LARP4: variants seen among roughly 807,000 people sequenced by gnomAD.
LARP4 encodes la-related protein 4.
Under a neutral mutation model 92.9 loss-of-function variants are expected in LARP4, and 29 were observed. The ratio of observed to expected loss-of-function variants is 0.31; its 90% confidence interval spans 0.23 to 0.43. The LOEUF is 0.43. Ranked by LOEUF, LARP4 falls within the 20% of genes least tolerant of loss-of-function variation. The probability of loss-of-function intolerance (pLI) is 1.00; values close to 1 mark genes in which losing one functional copy is unlikely to be tolerated. For synonymous variants in LARP4, 279 were observed against 284.1 expected (o/e 0.98, Z 0.18); for missense variants, 732 against 860.0 (o/e 0.85, Z 1.86).
chr12:50,430,396 T>C, intron 3 of LARP4, 99 bp from the exon 4 acceptor site: 3 of 637,156 alleles, frequency 4.7e-6, no homozygotes, highest in Non-Finnish European at 2.8e-6. Flanking sequence ...GAATTTTGAT[T>C]GTAGATACTT....
chr12:50,410,416 T>C, intron 1 of LARP4, among the ~76,000 whole-genome samples: 1 of 151,164 alleles, frequency 6.6e-6, no homozygotes. Context: ...ATCTTTTTTT[T>C]TTTTTTTTTG....
intron 1 of LARP4, among the ~76,000 whole-genome samples, chr12:50,402,419 A>G (rs755387303): frequency 7.2e-5 from 11 of 152,166 alleles, no homozygotes; most frequent in Non-Finnish European, 1.2e-4. Flanking sequence ...AAGAAATCAG[A>G]TAAGATTTTA....
rs537905956 is a variant in LARP4, at chr12:50,410,187, GCTGA to G, written c.18+9162_18+9165del. On this transcript the variant is annotated intron_variant, in intron 1 of 15. Transcript: ENST00000398473. ...GTGTAGTTAGCCATTAGCTTTATCA[GCTGA>G]CTAATTGAAGTAATGGCTTAGTATT... 1.1e-3 allele frequency among the ~76,000 whole-genome samples: 170 copies of G among 152,064 alleles called. 2 individuals carry two copies. The highest frequency in any genetic ancestry group is 3.9e-3 in the African/African-American group (162 of 41,486).
chr12:50,427,524 G>A (rs1233409647), intron 1 of LARP4, among the ~76,000 whole-genome samples: 2 of 151,790 alleles, frequency 1.3e-5, no homozygotes, highest in African/African-American at 2.4e-5. Flanking sequence ...TTGCACCTAG[G>A]CAGTATTTCT....
intron 6 of LARP4, 64 bp downstream of exon 6, chr12:50,437,902 C>T: frequency 9.3e-7 from 1 of 1,073,960 alleles, no homozygotes; most frequent in Admixed American, 2.2e-5. Context: ...GTTTCTTCTG[C>T]CTTTCGTGGC....
chr12:50,435,457 C>T (rs764474914), intron 4 of LARP4, 31 bp from the exon 5 acceptor site: 3 of 1,246,028 alleles, frequency 2.4e-6, no homozygotes, highest in Non-Finnish European at 3.4e-6. Context: ...TTAATAATTG[C>T]TTGTTTTATA....
intron 9 of LARP4, among the ~76,000 whole-genome samples, chr12:50,453,916 T>G (rs1363026895): frequency 6.6e-6 from 1 of 152,124 alleles, no homozygotes; most frequent in Non-Finnish European, 1.5e-5. Flanking sequence ...TACAAGCCAC[T>G]ATGCCCGGCC....
chr12:50,454,720 T>C, intron 10 of LARP4: 1 of 240,396 alleles, frequency 4.2e-6, no homozygotes, highest in Non-Finnish European at 8.0e-6. Context: ...ATTTAGTATG[T>C]TAAATGGGTA....
intron 4 of LARP4, among the ~76,000 whole-genome samples, chr12:50,432,756 A>G (rs1949842541): frequency 6.7e-6 from 1 of 149,436 alleles, no homozygotes; most frequent in Non-Finnish European, 1.5e-5. Flanking sequence ...GTTACTCGAG[A>G]GGCTGAGGCA....
At chr12:50,467,417 A>G (rs1347048096) in intron 13 of LARP4, among the ~76,000 whole-genome samples, 3 of 151,790 alleles carry the variant, frequency 2.0e-5, no homozygotes, top group Non-Finnish European at 2.9e-5. Flanking sequence ...CAGCCTCCCA[A>G]GTAGCTGGGA....
At chr12:50,416,242 T>G (rs191168583) in intron 1 of LARP4, 3 of 152,382 alleles carry the variant, frequency 2.0e-5, no homozygotes, top group African/African-American at 7.2e-5. Flanking sequence ...AATCTTGTTA[T>G]TTAGTGCCTG....
chr12:50,474,231 C>G (rs1272162855), intron 15 of LARP4, 64 bp downstream of exon 15: 11 of 1,044,564 alleles, frequency 1.1e-5, no homozygotes, highest in Non-Finnish European at 1.5e-5. Context: ...TTTTTTTTTT[C>G]ACGTAACACT....
At chr12:50,439,793 C>T (rs1029762703) in intron 6 of LARP4, among the ~76,000 whole-genome samples, 14 of 151,784 alleles carry the variant, frequency 9.2e-5, no homozygotes, top group African/African-American at 3.1e-4. Context: ...TTTTAATAAG[C>T]TTCTTTCAAT....
At chr12:50,474,404 G>T (rs946313858) in intron 15 of LARP4, among the ~76,000 whole-genome samples, 1 of 152,114 alleles carries the variant, frequency 6.6e-6, no homozygotes, top group African/African-American at 2.4e-5. Flanking sequence ...CTGGAGTGCA[G>T]TGGCACGATC....
chr12:50,447,170 C>T (rs1418264608), intron 8 of LARP4, among the ~76,000 whole-genome samples: 1 of 152,076 alleles, frequency 6.6e-6, no homozygotes, highest in Non-Finnish European at 1.5e-5. Flanking sequence ...ACATGCTGCT[C>T]AGTGGAAATG....
At position 50,412,659 on chromosome 12, in the gene LARP4, A is replaced by G. The variant is rs1363585732; in HGVS notation, c.18+11631A>G. Reference sequence around the variant, plus strand: ...GAATTTAGCATTAAATGGGACAATAATCAGGACTGCCTTTGGCTTATTTGG... The same window carrying G: ...GAATTTAGCATTAAATGGGACAATAGTCAGGACTGCCTTTGGCTTATTTGG... On this transcript the variant is annotated intron_variant, in intron 1 of 15. Coordinates refer to ENST00000398473, the MANE Select transcript of LARP4 (RefSeq NM_052879.5). Among the ~76,000 whole-genome samples the G allele has an allele frequency of 2.0e-5, 3 of 152,268 alleles. No individual in the cohort carries two copies. The East Asian group carries it at 5.8e-4, about 29-fold the overall frequency.
intron 1 of LARP4, among the ~76,000 whole-genome samples, chr12:50,416,853 T>G (rs536741548): frequency 3.6e-4 from 54 of 151,816 alleles, no homozygotes; most frequent in Middle Eastern, 6.9e-3. Context: ...GGCATGCAGC[T>G]GTAGCTTGGG....
At chr12:50,417,940 A>C (rs537434749) in intron 1 of LARP4, among the ~76,000 whole-genome samples, 1 of 152,098 alleles carries the variant, frequency 6.6e-6, no homozygotes, top group African/African-American at 2.4e-5. Context: ...GGTTCACTGC[A>C]ACCTCCGCCT....
intron 13 of LARP4, among the ~76,000 whole-genome samples, chr12:50,472,483 G>T (rs1256408022): frequency 2.0e-5 from 3 of 150,974 alleles, no homozygotes; most frequent in Non-Finnish European, 4.4e-5. Context: ...TGTTGAGCGT[G>T]AGTCAAGATT....
Sources: allele counts gnomAD v4.1 joint callset (sites outside exome capture counted in the v4.1 genomes callset), GRCh38; gene constraint gnomAD v4.1.1; transcripts MANE v1.5; gene names NCBI Gene and HGNC (gene_info 2026-07-23, HGNC 2026-07-21).